Variants in RP1 observed in about 807,000 individuals in gnomAD.
RP1 encodes the protein RP1 axonemal microtubule associated.
A neutral mutation model predicts 14.8 loss-of-function variants in RP1; 16 were observed. The ratio of observed to expected loss-of-function variants is 1.08; its 90% CI spans 0.73 to 1.65. The LOEUF (loss-of-function observed/expected upper bound fraction) is 1.65. Among genes scored for constraint, RP1 ranks in the 40% most tolerant of loss-of-function variants. The probability of loss-of-function intolerance (pLI) is 0.00; values close to 1 mark genes in which losing one functional copy is unlikely to be tolerated. For missense variants in RP1, 2,631 were observed against 2,535.0 expected (o/e 1.04, Z -0.81); for synonymous variants, 876 against 883.6 (o/e 0.99, Z 0.15).
At chr8:54,708,221 T>A (rs937710869) in intron 15 of RP1, among the ~76,000 whole-genome samples, 1 of 152,194 alleles carries the variant, frequency 6.6e-6, no homozygotes, top group Non-Finnish European at 1.5e-5. Flanking sequence ...CACAGGTAAG[T>A]GTCACTCCAA....
At position 54,565,510 on chromosome 8, in the gene RP1, A is replaced by C. The variant is rs555160835; in HGVS notation, c.-13+6190A>C. Among the ~76,000 whole-genome samples the C allele has an allele frequency of 8.5e-5, 13 of 152,210 alleles. No individual in the cohort carries two copies. In the East Asian group the frequency reaches 2.1e-3, roughly 25 times the overall value. On this transcript the variant is annotated intron_variant, in intron 1 of 22. Coordinates refer to the RP1 transcript ENST00000636932. ...AACCCAGGAGGTGGAGGTTGCAAAA[A>C]CCAAAAACCTTAGCTGGCCCAAAGC...
chr8:54,817,436 G>A (rs1811160294), intron 24 of RP1, among the ~76,000 whole-genome samples: 1 of 152,092 alleles, frequency 6.6e-6, no homozygotes, highest in South Asian at 2.1e-4. Context: ...GGGAATGTTA[G>A]GAGAGAAGAT....
chr8:54,668,151 G>T (rs140051568), intron 7 of RP1, among the ~76,000 whole-genome samples: 69 of 152,196 alleles, frequency 4.5e-4, no homozygotes, highest in Non-Finnish European at 7.9e-4. Context: ...CGATCAAGTG[G>T]GCTTCATTCC....
intron 1 of RP1, among the ~76,000 whole-genome samples, chr8:54,608,438 C>A (rs981264436): frequency 2.0e-5 from 3 of 152,118 alleles, no homozygotes; most frequent in African/African-American, 4.8e-5. Flanking sequence ...TCAGTCTAGG[C>A]AGTTATTTGT....
chr8:54,788,725 C>A (rs1810389161), intron 24 of RP1, among the ~76,000 whole-genome samples: 1 of 152,072 alleles, frequency 6.6e-6, no homozygotes, highest in Admixed American at 6.6e-5. Flanking sequence ...TAACATTGTT[C>A]CCCTTAAATA....
chr8:54,638,183 T>C (rs564246911), intron 3 of RP1, among the ~76,000 whole-genome samples: 9 of 152,312 alleles, frequency 5.9e-5, no homozygotes, highest in African/African-American at 1.9e-4. Context: ...TTTTTGATTC[T>C]TGAATGTATG....
At chr8:54,670,707 A>ATATATATATATATATAT (rs1365647124) in intron 7 of RP1, among the ~76,000 whole-genome samples, 1 of 130,852 alleles carries the variant, frequency 7.6e-6, no homozygotes, top group African/African-American at 2.8e-5. Context: ...ATATATATAT[A>ATATATATATATATATAT]AAACATTAAG....
intron 24 of RP1, among the ~76,000 whole-genome samples, chr8:54,791,426 A>G (rs1307345960): frequency 6.6e-6 from 1 of 152,172 alleles, no homozygotes; most frequent in African/African-American, 2.4e-5. Context: ...AAATAAATAT[A>G]TATAGTCAAA....
At chr8:54,852,706 A>C in exon 26 of RP1, 1 of 1,232,074 alleles carries the variant, frequency 8.1e-7, no homozygotes, top group Non-Finnish European at 1.0e-6. Flanking sequence ...AAAAACAATG[A>C]AATCAAGTTT....
chr8:54,852,136 G>A (rs1011026106), intron 25 of RP1, among the ~76,000 whole-genome samples: 14 of 151,578 alleles, frequency 9.2e-5, no homozygotes, highest in Admixed American at 7.2e-4. Context: ...TCCGTCAAGA[G>A]GGCTATTAAA....
intron 19 of RP1, among the ~76,000 whole-genome samples, chr8:54,744,404 G>A (rs956818090): frequency 6.6e-6 from 1 of 152,138 alleles, no homozygotes; most frequent in African/African-American, 2.4e-5. Context: ...CGAAGGGAAG[G>A]TTATGAAATA....
In RP1 at chr8:54,621,357, C is replaced by T. The variant is rs560343398; in HGVS notation, c.391C>T (p.Arg131Trp). ...GCGCCCGCGGCCCTGGCTCAGCAGC[C>T]GGGCCATTAGCGCGCACTCACCGCC... is the stretch of plus-strand genomic sequence containing the variant. The part of the protein sequence containing the change: ...RRRPRPWLSS[R>W]AISAHSPPHP... The change falls in exon 2 of 4, where the codon CGG becomes TGG. Residue 131 changes from arginine to tryptophan, a missense_variant. Arg to Trp is a moderately radical substitution (Grantham distance 101). Transcript: ENST00000220676. The T allele has an allele frequency of 1.2e-6, 2 of 1,611,696 alleles. No individual in the cohort carries two copies. Among genetic ancestry groups the T allele is most frequent in the South Asian group, 1.1e-5 (1 of 91,004 alleles).
chr8:54,688,674 A>G (rs961660297), intron 12 of RP1, among the ~76,000 whole-genome samples: 4 of 151,948 alleles, frequency 2.6e-5, no homozygotes, highest in African/African-American at 7.3e-5. Flanking sequence ...TGGTCTATAT[A>G]TCTGTTTTGG....
intron 3 of RP1, among the ~76,000 whole-genome samples, chr8:54,623,273 G>A (rs1805931452): frequency 6.6e-6 from 1 of 152,036 alleles, no homozygotes; most frequent in African/African-American, 2.4e-5. Flanking sequence ...ACAGATTGCC[G>A]AGTATGGTTT....
intron 1 of RP1, among the ~76,000 whole-genome samples, chr8:54,571,723 GCA>G (rs929106552): frequency 4.6e-5 from 7 of 152,214 alleles, no homozygotes; most frequent in Non-Finnish European, 8.8e-5. Context: ...CAAGGTATCA[GCA>G]GGGTTGGTTC....
chr8:54,764,384 C>G (rs1478762005), intron 22 of RP1, among the ~76,000 whole-genome samples: 46 of 152,222 alleles, frequency 3.0e-4, no homozygotes, highest in Admixed American at 2.8e-3. Flanking sequence ...TTCCGTGGTG[C>G]CTGGAGTCCT....
At chr8:54,663,361 A>G (rs867176170) in intron 6 of RP1, among the ~76,000 whole-genome samples, 1 of 152,158 alleles carries the variant, frequency 6.6e-6, no homozygotes, top group South Asian at 2.1e-4. Flanking sequence ...TATTGAATTG[A>G]TATGGAAAGA....
intron 3 of RP1, among the ~76,000 whole-genome samples, chr8:54,646,144 C>T (rs1806546036): frequency 6.6e-6 from 1 of 152,112 alleles, no homozygotes; most frequent in Admixed American, 6.6e-5. Context: ...AGATGCTGGA[C>T]AAACTCCTGA....
chr8:54,597,716 T>C (rs948090822), intron 1 of RP1, among the ~76,000 whole-genome samples: 1 of 152,192 alleles, frequency 6.6e-6, no homozygotes, highest in Admixed American at 6.5e-5. Context: ...AACATTATGC[T>C]AAATAAACAA....
Sources: allele counts gnomAD v4.1 joint callset (sites outside exome capture counted in the v4.1 genomes callset), GRCh38; gene constraint gnomAD v4.1.1; transcripts MANE v1.5; gene names NCBI Gene and HGNC (gene_info 2026-07-23, HGNC 2026-07-21).